The following ABCA5 variants were observed in gnomAD, a reference collection of about 807,000 sequenced individuals.
ABCA5 encodes the protein ATP binding cassette subfamily A member 5.
Under a neutral mutation model 206.0 loss-of-function variants are expected in ABCA5, and 163 were observed. The ratio of observed to expected loss-of-function variants is 0.79; its 90% CI spans 0.70 to 0.90. ABCA5 has a LOEUF of 0.90. ABCA5 is among the 40% of genes least tolerant of loss of function. The probability of loss-of-function intolerance (pLI) is 0.00; values close to 1 mark genes in which losing one functional copy is unlikely to be tolerated. For synonymous variants in ABCA5, 609 were observed against 613.8 expected, an observed-to-expected ratio of 0.99 and a Z score of 0.11; for missense variants, 1,859 against 1,912.9, an observed-to-expected ratio of 0.97 and a Z score of 0.53.
chr17:69,247,919 GACTC>G (rs1322911200), intron 38 of ABCA5, among the ~76,000 whole-genome samples: 1 of 151,854 alleles, frequency 6.6e-6, no homozygotes. Flanking sequence ...CCACCATCAT[GACTC>G]ACTTTCTTTA....
rs1030044504 is a variant in ABCA5 at position 69,273,953 on chromosome 17, T to A, written c.2764+6A>T. The A allele has an allele frequency of 1.9e-6, 3 of 1,599,696 alleles. No individual in the cohort carries two copies. The highest frequency in any genetic ancestry group is 1.4e-5 in the African/African-American group (1 of 73,980). ...CACTCGTTCACAGACCTTCACACACTCTCACCAGCAGAATTTTGAAGAAGC... is the reference window on the plus strand; with the variant it reads ...CACTCGTTCACAGACCTTCACACACACTCACCAGCAGAATTTTGAAGAAGC... On this transcript the variant is annotated splice_donor_region_variant and intron_variant, in intron 20 of 38. Transcript: ENST00000392676.
At position 69,301,168 on chromosome 17, in the gene ABCA5, A is replaced by T; in HGVS notation, c.1238T>A (p.Leu413Ter). Reference protein sequence around the residue: ...LTLNSIFYVLLAVYLDQVIPG... With the variant: ...LTLNSIFYVL Reference sequence around the variant, plus strand: ...AATGACTTGATCAAGATAGACAGCCAAGAGGACATAGAATATACTATTAAG... The same window carrying T: ...AATGACTTGATCAAGATAGACAGCCTAGAGGACATAGAATATACTATTAAG... The change falls in exon 9 of 39, where the codon TTG becomes TAG. Residue 413 changes from leucine (L) to a stop codon, truncating the protein, a stop_gained. Transcript: ENST00000392676. LOFTEE classifies it high-confidence loss of function. The T allele has an allele frequency of 1.3e-6, 2 of 1,580,764 alleles. No individual in the cohort carries two copies. The highest frequency in any genetic ancestry group is 1.7e-6 in the Non-Finnish European group (2 of 1,170,040).
In ABCA5 at chr17:69,304,735, A is replaced by G; in HGVS notation, c.864T>C (p.Ser288=). The G allele has an allele frequency of 6.2e-7, 1 of 1,610,620 alleles. No individual in the cohort carries two copies. The highest frequency in any genetic ancestry group is 8.5e-7 in the Non-Finnish European group (1 of 1,178,146). The part of the protein sequence containing the change: ...SLLMAVIATA[S]LLFPQSSSIV... ...TGCTGCTACTTTGAGGAAATAACAAAGAAGCTGTCGCAATGACTGCCATAA... is the reference window on the plus strand; with the variant it reads ...TGCTGCTACTTTGAGGAAATAACAAGGAAGCTGTCGCAATGACTGCCATAA... Residue 288 remains serine (S), a synonymous_variant, in exon 7 of 39, where the codon TCT becomes TCC. Transcript: ENST00000392676.
At position 69,287,661 on chromosome 17, in the gene ABCA5, C is replaced by T. The variant is rs1179160568; in HGVS notation, c.1993G>A (p.Val665Met). 7 of 1,613,694 alleles carry T rather than the reference C, an allele frequency of 4.3e-6. No individual in the cohort carries two copies. Among genetic ancestry groups the T allele is most frequent in the Non-Finnish European group, 5.9e-6 (7 of 1,179,862 alleles). The change falls in exon 15 of 39, where the codon GTG becomes ATG. Residue 665 changes from valine to methionine, a missense_variant. Coordinates refer to ENST00000392676, the MANE Select transcript of ABCA5 (RefSeq NM_172232.4). ...NLLKYRKANR[V>M]TVFSTHFMDE... is the part of the protein sequence containing the mutation. ...ATGAAATGAGTACTGAACACTGTCA[C>T]CCGATTGGCTTTTCTGTATTTTAAA...
intron 22 of ABCA5, 91 bp from the exon 23 acceptor site, chr17:69,268,147 T>A: frequency 1.7e-6 from 1 of 600,348 alleles, no homozygotes; most frequent in Non-Finnish European, 2.9e-6. Flanking sequence ...CAAAAAAAAA[T>A]CAAAACCTCA....
At position 69,301,220 on chromosome 17, in the gene ABCA5, G is replaced by C. The variant is rs749128061; in HGVS notation, c.1186C>G (p.Leu396Val). The C allele has an allele frequency of 5.0e-6, 8 of 1,604,366 alleles. No individual in the cohort carries two copies. The highest frequency in any genetic ancestry group is 6.8e-6 in the Non-Finnish European group (8 of 1,177,434). ...GTGAGCATGATAATTGTAATAATTA[G>C]AGGATATGGGCCTGCAGTCAAATTT... ...FSNLTAGPYP[L>V]IITIIMLTLN... Residue 396 changes from leucine to valine, a missense_variant, in exon 9 of 39, where the codon CTA (leucine) becomes GTA (valine). Coordinates refer to ENST00000392676, the MANE Select transcript of ABCA5 (RefSeq NM_172232.4).
At chr17:69,286,408 T>A in intron 15 of ABCA5, 97 bp from the exon 16 acceptor site, 2 of 1,026,596 alleles carry the variant, frequency 1.9e-6, no homozygotes, top group Non-Finnish European at 2.9e-6. Flanking sequence ...GTCATCCACA[T>A]TATGATATCA....
In ABCA5 at chr17:69,250,604, T is replaced by C. The variant is rs761451205; in HGVS notation, c.4553A>G (p.Gln1518Arg). 6.3e-7 allele frequency: 1 copy of C among 1,581,258 alleles called. No homozygotes were observed. The change falls in exon 36 of 39, where the codon CAA becomes CGA. Residue 1518 changes from glutamine (Q) to arginine (R), a missense_variant. Transcript: ENST00000392676. ...TTTTCCAAATTTACTCTTTAGATGT[T>C]GTACTGTTCCGATACATCTGAAGTA... Reference protein sequence around the residue: ...SGQLRCIGTVQHLKSKFGKGY... With the variant: ...SGQLRCIGTVRHLKSKFGKGY...
Position 69,304,770 on chromosome 17 carries a change from T to A in ABCA5, c.829A>T (p.Met277Leu). ...GCAATGACTGCCATAAGAAGGGACATAAGAAAAATTAAACTTGTATATAGA... is the reference window on the plus strand; with the variant it reads ...GCAATGACTGCCATAAGAAGGGACAAAAGAAAAATTAAACTTGTATATAGA... The part of the protein sequence containing the change: ...VLLYTSLIFL[M>L]SLLMAVIATA... The change falls in exon 7 of 39, where the codon ATG (methionine) becomes TTG (leucine). Residue 277 changes from methionine to leucine, a missense_variant. Physicochemically the swap from Met to Leu is conservative, Grantham distance 15 (BLOSUM62 2). Coordinates refer to ENST00000392676, the MANE Select transcript of ABCA5 (RefSeq NM_172232.4). 6.2e-7 allele frequency: 1 copy of A among 1,607,160 alleles called. No individual in the cohort carries two copies. The highest frequency in any genetic ancestry group is 8.5e-7 in the Non-Finnish European group (1 of 1,176,638).
At position 69,261,231 on chromosome 17, in the gene ABCA5, T is replaced by G; in HGVS notation, c.3458A>C (p.Glu1153Ala). The change falls in exon 26 of 39, where the codon GAA becomes GCA. Residue 1153 changes from glutamate to alanine, a missense_variant. Glu to Ala is a moderately radical substitution (Grantham distance 107). Transcript: ENST00000392676. The part of the protein sequence containing the change: ...VAALACIAIT[E>A]ITFFMGYTIA... The stretch of plus-strand genomic sequence containing the variant: ...TGTGTATCCCATAAAGAAAGTTATT[T>G]CAGTGATTGCAATACAAGCCAACGC... 1 of 1,608,038 alleles carries G rather than the reference T, an allele frequency of 6.2e-7. No individual in the cohort carries two copies. The highest frequency in any genetic ancestry group is 8.5e-7 in the Non-Finnish European group (1 of 1,177,230).
At chr17:69,273,911 C>A (rs775131446) in intron 20 of ABCA5, 48 bp downstream of exon 20, 1 of 1,542,890 alleles carries the variant, frequency 6.5e-7, no homozygotes, top group Non-Finnish European at 8.7e-7. Flanking sequence ...ACCCCTCAAC[C>A]CCATGCTCCA....
In ABCA5 at chr17:69,318,094, CTAAA is replaced by C. The variant is rs1232550018; in HGVS notation, c.-15-3668_-15-3665del. Among the ~76,000 whole-genome samples, 5 of 146,122 alleles carry C rather than the reference CTAAA, an allele frequency of 3.4e-5. No homozygotes were observed. The East Asian group carries it at 1.0e-3, about 31-fold the overall frequency. On this transcript the variant is annotated intron_variant, in intron 1 of 38. Transcript: ENST00000392676. ...TTGCAAGCTGGAAGACTGTCTACAC[CTAAA>C]TAAAGAAAACTCACAATTTTTTTTT...
At chr17:69,251,504 C>CA (rs1021767326) in intron 35 of ABCA5, 20 of 450,130 alleles carry the variant, frequency 4.4e-5, no homozygotes, top group Non-Finnish European at 7.2e-5. Context: ...TTTGAAATAA[C>CA]AAGTACTATG....
At position 69,291,269 on chromosome 17, in the gene ABCA5, G is replaced by T. The variant is rs1260917715; in HGVS notation, c.1553C>A (p.Thr518Lys). The change falls in exon 12 of 39, where the codon ACA becomes AAA. Residue 518 changes from threonine to lysine, a missense_variant. Transcript: ENST00000392676. ...QITALLGHSGTGKSTLMNILC... is the reference protein window; with the variant it reads ...QITALLGHSGKGKSTLMNILC... ...AATATTCATCAATGTACTCTTTCCTGTTCCACTGTGGCCAAGTAAGGCAGT... is the reference window on the plus strand; with the variant it reads ...AATATTCATCAATGTACTCTTTCCTTTTCCACTGTGGCCAAGTAAGGCAGT... 1.2e-6 allele frequency: 2 copies of T among 1,611,544 alleles called. No individual in the cohort carries two copies. Among genetic ancestry groups the T allele is most frequent in the Non-Finnish European group, 1.7e-6 (2 of 1,178,576 alleles).
intron 1 of ABCA5, chr17:69,318,844 T>A (rs2075839816): frequency 1.4e-6 from 1 of 705,446 alleles, no homozygotes; most frequent in African/African-American, 1.7e-5. Context: ...TTGATCCCTT[T>A]ATGAATCTTG....
chr17:69,265,947 A>G (rs371271105), intron 23 of ABCA5, among the ~76,000 whole-genome samples: 11 of 152,222 alleles, frequency 7.2e-5, no homozygotes, highest in African/African-American at 2.7e-4. Flanking sequence ...CAGAGAAATG[A>G]AAATGATGTT....
intron 1 of ABCA5, among the ~76,000 whole-genome samples, chr17:69,323,169 T>C (rs333937): frequency 0.13 from 19,369 of 152,162 alleles, 1,741 homozygotes; most frequent in East Asian, 0.43. Context: ...ATTCCTTCCT[T>C]ATTTTCTTGT....
chr17:69,253,585 T>C lies in ABCA5; in HGVS notation c.4403A>G (p.Lys1468Arg). Reference protein sequence around the residue: ...EPSTGMDPKAKQHMWRAIRTA... With the variant: ...EPSTGMDPKARQHMWRAIRTA... ...GTACCATACTCACCACATGTGCTGTTTGGCTTTGGGATCCATACCTGTAGA... is the reference window on the plus strand; with the variant it reads ...GTACCATACTCACCACATGTGCTGTCTGGCTTTGGGATCCATACCTGTAGA... Residue 1468 changes from lysine to arginine, a missense_variant, in exon 34 of 39, where the codon AAA becomes AGA. Physicochemically the swap from Lys to Arg is conservative, Grantham distance 26. Transcript: ENST00000392676. 1.2e-6 allele frequency: 2 copies of C among 1,613,136 alleles called. No homozygotes were observed. Among genetic ancestry groups the C allele is most frequent in the African/African-American group, 2.7e-5 (2 of 75,012 alleles).
chr17:69,289,131 G>A (rs760763563), intron 14 of ABCA5, 46 bp downstream of exon 14: 17 of 1,556,846 alleles, frequency 1.1e-5, no homozygotes, highest in Non-Finnish European at 1.3e-5. Flanking sequence ...TTTTTAATTC[G>A]ACATAATTTA....
Sources: allele counts gnomAD v4.1 joint callset (sites outside exome capture counted in the v4.1 genomes callset), GRCh38; gene constraint gnomAD v4.1.1; transcripts MANE v1.5; gene names NCBI Gene and HGNC (gene_info 2026-07-23, HGNC 2026-07-21).